The following CCDC187 variants were observed in gnomAD, a reference collection of about 807,000 sequenced individuals.
CCDC187 encodes coiled-coil domain containing 187, also known as coiled-coil domain-containing protein 187.
CCDC187 carries 32 observed loss-of-function variants against 38.0 expected under a neutral mutation model. That is an observed-to-expected ratio of 0.84 (90% confidence interval 0.64 to 1.13). CCDC187 has a LOEUF of 1.13. Among genes scored for constraint, CCDC187 ranks in the 50% most tolerant of loss-of-function variants. The pLI, the probability that CCDC187 is intolerant of heterozygous loss-of-function variation, is 0.00. For missense variants in CCDC187, 707 were observed against 786.8 expected (o/e 0.90, Z 1.21); for synonymous variants, 333 against 347.9 (o/e 0.96, Z 0.48).
chr9:136,251,054 G>A lies in CCDC187; in HGVS notation c.*2540C>T, dbSNP rs782130400. The A allele has an allele frequency of 6.6e-6, 3 of 456,114 alleles. No individual in the cohort carries two copies. Among genetic ancestry groups the A allele is most frequent in the South Asian group, 4.6e-5 (3 of 64,570 alleles). 28.3% of individuals were successfully genotyped at this position (456,114 alleles called of 1,614,324 possible). A position where few individuals can be genotyped will look rare whatever the true frequency, so the allele number is the denominator to read the frequency against. The stretch of plus-strand genomic sequence containing the variant: ...CCACCAGACTGCATGCATAAAGTCT[G>A]GAGTATGCTCCTCTCTGAAGTGGAG... On this transcript the variant is annotated 3_prime_UTR_variant, in exon 26 of 26. Coordinates refer to ENST00000638797, the MANE Select transcript of CCDC187 (RefSeq NM_001378188.1).
chr9:136,288,014 A>G (rs962672814), intron 7 of CCDC187, among the ~76,000 whole-genome samples: 1 of 152,078 alleles, frequency 6.6e-6, no homozygotes, highest in East Asian at 1.9e-4. Context: ...TTAGGTGGGG[A>G]AAAAAAAGGA....
rs1237533107 is a variant in CCDC187 at position 136,256,783 on chromosome 9, G to A, written c.4425C>T (p.Asp1475=). Residue 1475 remains aspartate (D), a synonymous_variant, in exon 23 of 26, where the codon GAC becomes GAT. Coordinates refer to ENST00000638797, the MANE Select transcript of CCDC187 (RefSeq NM_001378188.1). ...SLAGKPRAPT[D]SHVGSFRERS... Reference sequence around the variant, plus strand: ...GTTCCCTGAAGCTCCCCACATGGCTGTCTGTTGGAGCCCGGGGCTTCCCTG... The same window carrying A: ...GTTCCCTGAAGCTCCCCACATGGCTATCTGTTGGAGCCCGGGGCTTCCCTG... 6.6e-6 allele frequency: 1 copy of A among 152,260 alleles called. No individual in the cohort carries two copies. The highest frequency in any genetic ancestry group is 1.5e-5 in the Non-Finnish European group (1 of 68,054). 9.4% of individuals were successfully genotyped at this position (152,260 alleles called of 1,614,324 possible). A position where few individuals can be genotyped will look rare whatever the true frequency, so the allele number is the denominator to read the frequency against.
At chr9:136,268,958 G>T (rs1054411427) in intron 14 of CCDC187, among the ~76,000 whole-genome samples, 6 of 152,176 alleles carry the variant, frequency 3.9e-5, no homozygotes, top group Admixed American at 2.6e-4. Context: ...CAGAGAGTCT[G>T]GGAGGACCAA....
intron 9 of CCDC187, among the ~76,000 whole-genome samples, chr9:136,285,281 G>T (rs966016292): frequency 1.1e-4 from 16 of 152,228 alleles, no homozygotes; most frequent in Admixed American, 5.2e-4. Flanking sequence ...GGGCATTCGT[G>T]GGGGGAGTGT....
chr9:136,295,641 C>A lies in CCDC187; in HGVS notation c.832+2073G>T, dbSNP rs1008728136. 1.2e-3 allele frequency among the ~76,000 whole-genome samples: 181 copies of A among 152,322 alleles called. 1 individual carries two copies. The highest frequency in any genetic ancestry group is 4.2e-3 in the African/African-American group (176 of 41,564). ...TTTCTAATTCATCCAATTCCCAAGTCCTGTGGCTCTGACCTCTGAACCGAA... is the reference window on the plus strand; with the variant it reads ...TTTCTAATTCATCCAATTCCCAAGTACTGTGGCTCTGACCTCTGAACCGAA... On this transcript the variant is annotated intron_variant, in intron 4 of 25. Coordinates refer to ENST00000638797, the MANE Select transcript of CCDC187 (RefSeq NM_001378188.1).
rs144055697 is a variant in CCDC187, at chr9:136,259,857, C to T, written c.4210+262G>A. On this transcript the variant is annotated intron_variant, in intron 20 of 25. Coordinates refer to ENST00000638797, the MANE Select transcript of CCDC187 (RefSeq NM_001378188.1). The stretch of plus-strand genomic sequence containing the variant: ...CCCAGACAGAACCTGAGTGGTTTCC[C>T]GGCTGGCACACCCCTCGATCTGTAT... Among the ~76,000 whole-genome samples, 165 of 152,322 alleles carry T rather than the reference C, an allele frequency of 1.1e-3. 2 individuals carry two copies. In the East Asian group the frequency reaches 0.028, roughly 26 times the overall value.
chr9:136,285,569 G>A lies in CCDC187; in HGVS notation c.2871C>T (p.Asp957=), dbSNP rs1488972547. The A allele has an allele frequency of 5.0e-6, 2 of 401,234 alleles. No homozygotes were observed. Among genetic ancestry groups the A allele is most frequent in the African/African-American group, 4.1e-5 (2 of 48,660 alleles). The allele number at this position is 401,234 out of a possible 1,614,324, so 24.9% of individuals were successfully genotyped here. A position where few individuals can be genotyped will look rare whatever the true frequency, so the allele number is the denominator to read the frequency against. Residue 957 remains aspartate, a synonymous_variant, in exon 9 of 26, where the codon GAC becomes GAT. Coordinates refer to ENST00000638797, the MANE Select transcript of CCDC187 (RefSeq NM_001378188.1). ...PEEGHVDVKP[D]KRLQRGVAPF... ...GGGCCACGCCTCTCTGCAGCCTTTT[G>A]TCTGGTTTCACGTCCACGTGTCCCT...
chr9:136,258,828 C>T lies in CCDC187; in HGVS notation c.4366+104G>A, dbSNP rs1830646480. 1 of 985,508 alleles carries T rather than the reference C, an allele frequency of 1.0e-6. No individual in the cohort carries two copies. 61.0% of individuals were successfully genotyped at this position (985,508 alleles called of 1,614,324 possible). A position where few individuals can be genotyped will look rare whatever the true frequency, so the allele number is the denominator to read the frequency against. On this transcript the variant is annotated intron_variant, in intron 22 of 25. Transcript: ENST00000638797. This position sits in a 1 kb window ranked among gnomAD's most constrained non-coding sequence, Gnocchi z 4.3. ...ACCAGGGCCCATCTTCTTTGCTTTC[C>T]GTCCTTGTCCAGTGGCTGAGCTCCA... is the stretch of plus-strand genomic sequence containing the variant.
chr9:136,278,421 CGTCCCCGAGCT>C, intron 10 of CCDC187, among the ~76,000 whole-genome samples: 1 of 152,298 alleles, frequency 6.6e-6, no homozygotes, highest in African/African-American at 2.4e-5. Flanking sequence ...GAAAGCGAGC[CGTCCCCGAGCT>C]GGGCACGGCC....
Position 136,276,222 on chromosome 9 carries a change from T to G in CCDC187, c.3197A>C (p.Asp1066Ala), listed in dbSNP as rs1180585108. The G allele has an allele frequency of 1.3e-5, 2 of 152,166 alleles. No homozygotes were observed. Among genetic ancestry groups the G allele is most frequent in the African/African-American group, 4.8e-5 (2 of 41,432 alleles). The allele number at this position is 152,166 out of a possible 1,614,324, so 9.4% of individuals were successfully genotyped here. A position where few individuals can be genotyped will look rare whatever the true frequency, so the allele number is the denominator to read the frequency against. The change falls in exon 12 of 26, where the codon GAT becomes GCT. Residue 1066 changes from aspartate (D) to alanine (A), a missense_variant. Transcript: ENST00000638797. ...LEARETQQTL[D>A]GLLFRRRLEQ... Reference sequence around the variant, plus strand: ...CAGCCGCCTCCTGAAGAGCAGCCCATCCAGGGTCTGCTGTGTCTCCCGGGC... The same window carrying G: ...CAGCCGCCTCCTGAAGAGCAGCCCAGCCAGGGTCTGCTGTGTCTCCCGGGC...
intron 4 of CCDC187, among the ~76,000 whole-genome samples, chr9:136,295,215 A>T (rs1831506245): frequency 6.6e-6 from 1 of 152,172 alleles, no homozygotes; most frequent in Admixed American, 6.5e-5. Flanking sequence ...TCTCCATCCT[A>T]GTCCCTACAG....
At position 136,291,588 on chromosome 9, in the gene CCDC187, T is replaced by C. The variant is rs1451703070; in HGVS notation, c.1025A>G (p.Asp342Gly). ...CTGGTCACTGTAGGCGGAGGTGGCA[T>C]CGGGCAACTGGGCACAAACCGGTGA... is the stretch of plus-strand genomic sequence containing the variant. ...KCSPVCAQLP[D>G]ATSAYSDQQV... Residue 342 changes from aspartate (D) to glycine (G), a missense_variant, in exon 6 of 26, where the codon GAT (aspartate) becomes GGT (glycine). By Grantham distance (94) the Asp-to-Gly change is moderately conservative. Transcript: ENST00000638797. 5.0e-6 allele frequency: 2 copies of C among 398,636 alleles called. No individual in the cohort carries two copies. Among genetic ancestry groups the C allele is most frequent in the African/African-American group, 4.1e-5 (2 of 48,632 alleles). 24.7% of individuals were successfully genotyped at this position (398,636 alleles called of 1,614,324 possible). A position where few individuals can be genotyped will look rare whatever the true frequency, so the allele number is the denominator to read the frequency against.
Position 136,289,984 on chromosome 9 carries a change from G to T in CCDC187, c.2197C>A (p.Leu733Met), listed in dbSNP as rs1173388587. 5.1e-6 allele frequency: 2 copies of T among 395,632 alleles called. No homozygotes were observed. Among genetic ancestry groups the T allele is most frequent in the Admixed American group, 4.4e-5 (1 of 22,634 alleles). 24.5% of individuals were successfully genotyped at this position (395,632 alleles called of 1,614,324 possible). A position where few individuals can be genotyped will look rare whatever the true frequency, so the allele number is the denominator to read the frequency against. ...EWSKVTSGMVLGGQEAPGSFC... is the reference protein window; with the variant it reads ...EWSKVTSGMVMGGQEAPGSFC... ...CTGCCTGGGGCTTCCTGGCCCCCCA[G>T]CACCATGCCAGAGGTCACTTTGCTC... Residue 733 changes from leucine (L) to methionine (M), a missense_variant, in exon 7 of 26, where the codon CTG (leucine) becomes ATG (methionine). Coordinates refer to ENST00000638797, the MANE Select transcript of CCDC187 (RefSeq NM_001378188.1).
Position 136,291,545 on chromosome 9 carries a change from T to G in CCDC187, c.1068A>C (p.Thr356=), listed in dbSNP as rs1338855525. The G allele has an allele frequency of 1.0e-5, 4 of 398,642 alleles. No homozygotes were observed. The East Asian group carries it at 1.4e-4, about 14-fold the overall frequency. 24.7% of individuals were successfully genotyped at this position (398,642 alleles called of 1,614,324 possible). ...GCTGGTCGAAGGAAGCCAGGCTGGG[T>G]GTGTTCCCAGACACCTGCTGGTCAC... The part of the protein sequence containing the change: ...AYSDQQVSGN[T]PSLASFDQPA... Residue 356 remains threonine, a synonymous_variant, in exon 6 of 26, where the codon ACA becomes ACC. Transcript: ENST00000638797.
rs147548266 is a variant in CCDC187 at position 136,253,952 on chromosome 9, C to T, written c.5876G>A (p.Arg1959Gln). The T allele has an allele frequency of 9.8e-3, 9,662 of 985,538 alleles. 38 individuals are homozygous for T. The highest frequency in any genetic ancestry group is 0.011 in the Non-Finnish European group (8,833 of 830,038). The allele number at this position is 985,538 out of a possible 1,614,324, so 61.0% of individuals were successfully genotyped here. The stretch of plus-strand genomic sequence containing the variant: ...CCCATTCCCACCAGGCCCAGGCGCC[C>T]GGCTCTCAGCTACTGGAGGTGCCAG... ...GRLAPPVAES[R>Q]APGPGGNGAP... The change falls in exon 26 of 26, where the codon CGG (arginine) becomes CAG (glutamine). Residue 1959 changes from arginine to glutamine, a missense_variant. By Grantham distance (43) the Arg-to-Gln change is conservative. Transcript: ENST00000638797.
rs1554760811 is a variant in CCDC187, at chr9:136,260,138, A to C, written c.4191T>G (p.Ser1397Arg). Residue 1397 changes from serine (S) to arginine (R), a missense_variant, in exon 20 of 26, where the codon AGT becomes AGG. By Grantham distance (110) the Ser-to-Arg change is moderately radical. Transcript: ENST00000638797. ...THDPQGPLVESGSHVSQEPGE... is the reference protein window; with the variant it reads ...THDPQGPLVERGSHVSQEPGE... ...CATTACCTTGACTGACATGGCTGCCACTCTCCACCAGCGGGCCCTGGGGGT... is the reference window on the plus strand; with the variant it reads ...CATTACCTTGACTGACATGGCTGCCCCTCTCCACCAGCGGGCCCTGGGGGT... 1.0e-6 allele frequency: 1 copy of C among 984,476 alleles called. No individual in the cohort carries two copies. The highest frequency in any genetic ancestry group is 1.1e-4 in the East Asian group (1 of 8,744). 61.0% of individuals were successfully genotyped at this position (984,476 alleles called of 1,614,324 possible).
chr9:136,286,060 C>G, intron 8 of CCDC187, 25 bp downstream of exon 8: 1 of 398,262 alleles, frequency 2.5e-6, no homozygotes, highest in East Asian at 3.6e-5. Flanking sequence ...ACCCAGCGGT[C>G]ACCGTGTCCC....
chr9:136,268,225 G>C, intron 14 of CCDC187, 100 bp from the exon 15 acceptor site: 3 of 757,452 alleles, frequency 4.0e-6, no homozygotes, highest in Non-Finnish European at 4.8e-6. Context: ...AGGAGGTCTA[G>C]GGCAGTTTAG....
At chr9:136,293,425 T>TCATA (rs1377485932) in intron 4 of CCDC187, among the ~76,000 whole-genome samples, 1 of 100,760 alleles carries the variant, frequency 9.9e-6, no homozygotes, top group Non-Finnish European at 2.1e-5. Context: ...GCTCACATAC[T>TCATA]CTCACATGCT....
Sources: allele counts gnomAD v4.1 joint callset (sites outside exome capture counted in the v4.1 genomes callset), GRCh38; gene constraint gnomAD v4.1.1; non-coding constraint Gnocchi (gnomAD v3.1); transcripts MANE v1.5; gene names NCBI Gene and HGNC (gene_info 2026-07-23, HGNC 2026-07-21).